Variants in CSMD2 observed in about 807,000 individuals in gnomAD.
CSMD2 encodes the protein CUB and sushi domain-containing protein 2.
In CSMD2, 130 loss-of-function variants were observed where a neutral mutation model predicts 398.5. That is an observed-to-expected ratio of 0.33 (90% CI 0.28 to 0.38). CSMD2 has a LOEUF of 0.38. CSMD2 is among the 10% of genes least tolerant of loss of function. The pLI, the probability that CSMD2 is intolerant of heterozygous loss-of-function variation, is 1.00. For missense variants in CSMD2, 3,829 were observed against 4,764.9 expected (o/e 0.80, Z 5.78); for synonymous variants, 1,828 against 1,908.5 (o/e 0.96, Z 1.10).
chr1:33,874,092 C>A (rs1220856568), intron 5 of CSMD2, among the ~76,000 whole-genome samples: 1 of 152,202 alleles, frequency 6.6e-6, no homozygotes, highest in South Asian at 2.1e-4. Context: ...CAATGCACAG[C>A]ACATTATAGC....
At chr1:33,670,558 G>T (rs1227407848) in intron 25 of CSMD2, among the ~76,000 whole-genome samples, 1 of 151,462 alleles carries the variant, frequency 6.6e-6, no homozygotes, top group Non-Finnish European at 1.5e-5. Context: ...CTGTATCTTT[G>T]GTGCTCTACA....
At chr1:33,748,887 C>T (rs1053051022) in intron 13 of CSMD2, among the ~76,000 whole-genome samples, 3 of 152,074 alleles carry the variant, frequency 2.0e-5, no homozygotes, top group Non-Finnish European at 4.4e-5. Context: ...CAAAATTGAC[C>T]TTACATTAGG....
chr1:34,150,847 G>C (rs984108373), intron 1 of CSMD2, among the ~76,000 whole-genome samples: 1 of 152,226 alleles, frequency 6.6e-6, no homozygotes, highest in Admixed American at 6.5e-5. Flanking sequence ...TTGAGCCCAT[G>C]AGGTCGAGGT....
chr1:34,024,800 A>G (rs1649407076), intron 3 of CSMD2, among the ~76,000 whole-genome samples: 1 of 152,142 alleles, frequency 6.6e-6, no homozygotes, highest in South Asian at 2.1e-4. Context: ...GTGTATGTCT[A>G]TCTATATATA....
In CSMD2 at chr1:34,165,203, G is replaced by T; in HGVS notation, c.-106C>A. ...CTGCTCGGAAAAAATCCCGGTACGC[G>T]GGAGCCCTGAGCTTCTGCGGCTGGA... On this transcript the variant is annotated 5_prime_UTR_variant, in exon 1 of 71. Coordinates refer to ENST00000373381, the MANE Select transcript of CSMD2 (RefSeq NM_001281956.2). The T allele has an allele frequency of 8.6e-7, 1 of 1,164,006 alleles. No individual in the cohort carries two copies. Among genetic ancestry groups the T allele is most frequent in the Middle Eastern group, 3.6e-4 (1 of 2,808 alleles). 72.1% of individuals were successfully genotyped at this position (1,164,006 alleles called of 1,614,324 possible).
upstream of CSMD2, chr1:34,165,264 G>T (rs1245807735): frequency 5.1e-6 from 6 of 1,185,564 alleles, no homozygotes; most frequent in African/African-American, 1.6e-5. Flanking sequence ...GGAGAGGCGC[G>T]CTGCGCTCTC....
rs1454230422 is a variant in CSMD2, at chr1:33,772,555, C to T, written c.1846+14G>A. Reference sequence around the variant, plus strand: ...AGTGAAGACCCTGGCGTGGCCTCCTCCCTGCTCACTTACACACGCAGCCTG... The same window carrying T: ...AGTGAAGACCCTGGCGTGGCCTCCTTCCTGCTCACTTACACACGCAGCCTG... On this transcript the variant is annotated intron_variant, in intron 13 of 70. Transcript: ENST00000373381. The T allele has an allele frequency of 6.2e-7, 1 of 1,607,724 alleles. No individual in the cohort carries two copies. Among genetic ancestry groups the T allele is most frequent in the Non-Finnish European group, 8.5e-7 (1 of 1,175,412 alleles).
intron 67 of CSMD2, among the ~76,000 whole-genome samples, chr1:33,523,032 C>T (rs1654456009): frequency 6.6e-6 from 1 of 152,254 alleles, no homozygotes; most frequent in Admixed American, 6.5e-5. Flanking sequence ...TGCCCCCAAC[C>T]TCCATCCCTT....
intron 5 of CSMD2, chr1:33,884,463 C>G (rs1344095407): frequency 6.6e-6 from 1 of 152,424 alleles, no homozygotes; most frequent in Non-Finnish European, 1.5e-5. Context: ...CCTCCTCCCG[C>G]TTTGTCCCTC....
chr1:34,116,794 T>G (rs1661646880), intron 1 of CSMD2, among the ~76,000 whole-genome samples: 1 of 152,016 alleles, frequency 6.6e-6, no homozygotes. Context: ...ACCAGTTACA[T>G]TTTCCAACTA....
chr1:33,521,050 C>G (rs1190903388), intron 68 of CSMD2, among the ~76,000 whole-genome samples: 1 of 152,204 alleles, frequency 6.6e-6, no homozygotes, highest in Admixed American at 6.5e-5. Flanking sequence ...CAAAACCAGT[C>G]TTCTAGGGCT....
intron 1 of CSMD2, among the ~76,000 whole-genome samples, chr1:34,121,613 T>C (rs1282824481): frequency 3.3e-5 from 5 of 152,196 alleles, no homozygotes; most frequent in Admixed American, 6.5e-5. Context: ...GTGATACTGA[T>C]ATAAATTCTT....
intron 2 of CSMD2, among the ~76,000 whole-genome samples, chr1:34,077,196 G>A (rs563976203): frequency 1.5e-4 from 23 of 151,750 alleles, no homozygotes; most frequent in African/African-American, 4.6e-4. Flanking sequence ...GTGAGGTCAC[G>A]CCTGTAATCC....
chr1:33,961,914 C>A (rs144758058), intron 3 of CSMD2, among the ~76,000 whole-genome samples: 274 of 152,228 alleles, frequency 1.8e-3, no homozygotes, highest in African/African-American at 6.4e-3. Flanking sequence ...AATTGCCCAG[C>A]CTCACATATT....
intron 24 of CSMD2, among the ~76,000 whole-genome samples, chr1:33,693,488 T>C (rs1183851689): frequency 1.3e-5 from 2 of 152,178 alleles, no homozygotes; most frequent in African/African-American, 2.4e-5. Context: ...CTCATCATTA[T>C]TGATGGAAAT....
Position 33,864,429 on chromosome 1 carries a change from G to A in CSMD2, c.921-17433C>T, listed in dbSNP as rs764283092. The A allele has an allele frequency of 4.3e-6, 7 of 1,613,384 alleles. No individual in the cohort carries two copies. The African/African-American group carries it at 6.7e-5, about 15-fold the overall frequency. ...CCAGGAAGAAATGATGAATTATGTT[G>A]GCAAGAGGAAGAAACGGAGAAAGCG... On this transcript the variant is annotated intron_variant, in intron 5 of 70. Coordinates refer to ENST00000373381, the MANE Select transcript of CSMD2 (RefSeq NM_001281956.2).
At chr1:34,121,522 C>T (rs1243163338) in intron 1 of CSMD2, among the ~76,000 whole-genome samples, 1 of 152,120 alleles carries the variant, frequency 6.6e-6, no homozygotes, top group Admixed American at 6.6e-5. Context: ...GCTTCTCAAA[C>T]TTTAATGTGC....
chr1:34,110,508 AG>A (rs893231262), intron 1 of CSMD2, among the ~76,000 whole-genome samples: 7 of 152,088 alleles, frequency 4.6e-5, no homozygotes, highest in African/African-American at 1.7e-4. Context: ...AATGCTATCC[AG>A]CCATAAAAAA....
chr1:34,142,211 C>T (rs1639361372), intron 1 of CSMD2, among the ~76,000 whole-genome samples: 1 of 152,146 alleles, frequency 6.6e-6, no homozygotes, highest in Non-Finnish European at 1.5e-5. Context: ...GTCATCCTGT[C>T]CTGGCGGCCC....
Sources: allele counts gnomAD v4.1 joint callset (sites outside exome capture counted in the v4.1 genomes callset), GRCh38; gene constraint gnomAD v4.1.1; transcripts MANE v1.5; gene names NCBI Gene and HGNC (gene_info 2026-07-23, HGNC 2026-07-21).